PIN1: variants seen among roughly 807,000 people sequenced by gnomAD.
PIN1 encodes the protein peptidyl-prolyl cis-trans isomerase NIMA-interacting 1.
In PIN1, 8 loss-of-function variants were observed where a neutral mutation model predicts 19.9. The observed-to-expected ratio is 0.40, with a 90% CI of 0.24 to 0.72. The LOEUF is 0.72. Ranked by LOEUF, PIN1 falls within the 30% of genes least tolerant of loss-of-function variation. PIN1 has a pLI of 0.37. For synonymous variants in PIN1, 86 were observed against 90.8 expected (o/e 0.95, Z 0.30); for missense variants, 185 against 226.5 (o/e 0.82, Z 1.18).
At position 9,849,241 on chromosome 19, in the gene PIN1, G is replaced by C. The variant is rs936144902; in HGVS notation, c.*42G>C. On this transcript the variant is annotated 3_prime_UTR_variant, in exon 4 of 4. Coordinates refer to ENST00000247970, the MANE Select transcript of PIN1 (RefSeq NM_006221.4). Reference sequence around the variant, plus strand: ...CCTGGCCTCGGGGCAGGGCAGGGCGGCTAGGCCGGCCAGCTCCCCCTTGCC... The same window carrying C: ...CCTGGCCTCGGGGCAGGGCAGGGCGCCTAGGCCGGCCAGCTCCCCCTTGCC... 4 of 1,381,398 alleles carry C rather than the reference G, an allele frequency of 2.9e-6. No homozygotes were observed. In the African/African-American group the frequency reaches 4.3e-5, roughly 15 times the overall value. The allele number at this position is 1,381,398 out of a possible 1,614,324, so 85.6% of individuals were successfully genotyped here.
chr19:9,842,618 G>C (rs1479848837), intron 2 of PIN1, among the ~76,000 whole-genome samples: 1 of 152,224 alleles, frequency 6.6e-6, no homozygotes, highest in African/African-American at 2.4e-5. Flanking sequence ...TGATGACCTT[G>C]GCACACGACC....
intron 3 of PIN1, 105 bp downstream of exon 3, chr19:9,848,245 C>A: frequency 1.4e-6 from 1 of 712,884 alleles, no homozygotes; most frequent in East Asian, 2.7e-5. Flanking sequence ...CACCGGCCTT[C>A]GGGGTCCAGC....
chr19:9,844,836 C>A (rs1481750877), intron 2 of PIN1, among the ~76,000 whole-genome samples: 1 of 152,234 alleles, frequency 6.6e-6, no homozygotes, highest in Admixed American at 6.5e-5. Flanking sequence ...CTCCCTCCTT[C>A]CCCATGGCCT....
chr19:9,846,169 T>A lies in PIN1; in HGVS notation c.272-1861T>A, dbSNP rs144510040. 1.8e-4 allele frequency among the ~76,000 whole-genome samples: 27 copies of A among 152,264 alleles called. No homozygotes were observed. In the East Asian group the frequency reaches 5.0e-3, roughly 28 times the overall value. On this transcript the variant is annotated intron_variant, in intron 2 of 3. Transcript: ENST00000247970. This position sits in a 1 kb window ranked among gnomAD's most constrained non-coding sequence, Gnocchi z 5.9. ...CAGCCCTGGAAGCGGGGCATTCTGA[T>A]CAAACCAGGGCATCACGGGCAGAAG...
At chr19:9,840,494 A>G (rs62105748) in intron 2 of PIN1, among the ~76,000 whole-genome samples, 46,987 of 152,164 alleles carry the variant, frequency 0.31, 7,372 homozygotes, top group South Asian at 0.38. Context: ...TACTCCAAAC[A>G]ACCCATCTCT....
At chr19:9,848,805 C>T (rs951568057) in intron 3 of PIN1, among the ~76,000 whole-genome samples, 4 of 152,136 alleles carry the variant, frequency 2.6e-5, no homozygotes, top group African/African-American at 4.8e-5. Context: ...CCCAGGGAGA[C>T]GAGTTCACTA....
chr19:9,848,750 G>A (rs1599456552), intron 3 of PIN1: 4 of 336,994 alleles, frequency 1.2e-5, no homozygotes, highest in South Asian at 1.0e-4. Flanking sequence ...CACCTCCTCC[G>A]AGGAGGCTGG....
At position 9,846,002 on chromosome 19, in the gene PIN1, A is replaced by G. The variant is rs1432665159; in HGVS notation, c.272-2028A>G. Among the ~76,000 whole-genome samples the G allele has an allele frequency of 1.3e-5, 2 of 151,574 alleles. No homozygotes were observed. Among genetic ancestry groups the G allele is most frequent in the Non-Finnish European group, 2.9e-5 (2 of 67,892 alleles). Reference sequence around the variant, plus strand: ...TAGTGGTCCAGACAGAAGGGGGGACAGGGGACTCCAGTGCTCTGTGCCTAA... The same window carrying G: ...TAGTGGTCCAGACAGAAGGGGGGACGGGGGACTCCAGTGCTCTGTGCCTAA... On this transcript the variant is annotated intron_variant, in intron 2 of 3. Coordinates refer to ENST00000247970, the MANE Select transcript of PIN1 (RefSeq NM_006221.4). The surrounding 1 kb of genome is among the most constrained non-coding windows in gnomAD (Gnocchi z 5.9).
chr19:9,843,608 A>G (rs1374313221), intron 2 of PIN1, among the ~76,000 whole-genome samples: 2 of 152,186 alleles, frequency 1.3e-5, no homozygotes, highest in African/African-American at 2.4e-5. Context: ...GAAGTCCACA[A>G]TCCAGGTTCC....
intron 2 of PIN1, among the ~76,000 whole-genome samples, chr19:9,847,212 C>T (rs1051068645): frequency 3.3e-5 from 5 of 152,128 alleles, no homozygotes; most frequent in Non-Finnish European, 7.4e-5. Context: ...ACTTGGCTTC[C>T]GAAACGTGAG....
chr19:9,844,566 C>T (rs779859513), intron 2 of PIN1, among the ~76,000 whole-genome samples: 1 of 152,170 alleles, frequency 6.6e-6, no homozygotes, highest in Non-Finnish European at 1.5e-5. Context: ...GGTGGAGGCC[C>T]CTGCTCCAGA....
In PIN1 at chr19:9,846,595, G is replaced by A. The variant is rs867469732; in HGVS notation, c.272-1435G>A. 4.6e-5 allele frequency among the ~76,000 whole-genome samples: 7 copies of A among 152,280 alleles called. No individual in the cohort carries two copies. The highest frequency in any genetic ancestry group is 2.1e-4 in the South Asian group (1 of 4,826). Reference sequence around the variant, plus strand: ...ACTGCAGTCCCAAGCAGGTTAGAGCGTGAGGCCGAGGGGCCCTGGGGACAC... The same window carrying A: ...ACTGCAGTCCCAAGCAGGTTAGAGCATGAGGCCGAGGGGCCCTGGGGACAC... On this transcript the variant is annotated intron_variant, in intron 2 of 3. Transcript: ENST00000247970. The surrounding 1 kb of genome is among the most constrained non-coding windows in gnomAD (Gnocchi z 5.9).
chr19:9,842,966 C>T (rs890669935), intron 2 of PIN1, among the ~76,000 whole-genome samples: 2 of 152,264 alleles, frequency 1.3e-5, no homozygotes, highest in Non-Finnish European at 2.9e-5. Flanking sequence ...GCCGGGACCT[C>T]CACATTTTCT....
At chr19:9,841,987 G>A (rs2046171529) in intron 2 of PIN1, among the ~76,000 whole-genome samples, 1 of 152,184 alleles carries the variant, frequency 6.6e-6, no homozygotes, top group African/African-American at 2.4e-5. Flanking sequence ...ATGGGTCTGG[G>A]TGTGGTGGGC....
At position 9,849,376 on chromosome 19, in the gene PIN1, C is replaced by A. The variant is rs1271713150; in HGVS notation, c.*177C>A. The A allele has an allele frequency of 1.3e-5, 9 of 712,916 alleles. No homozygotes were observed. Among genetic ancestry groups the A allele is most frequent in the Non-Finnish European group, 2.3e-5 (9 of 391,420 alleles). 44.2% of individuals were successfully genotyped at this position (712,916 alleles called of 1,614,324 possible). On this transcript the variant is annotated 3_prime_UTR_variant, in exon 4 of 4. Transcript: ENST00000247970. Reference sequence around the variant, plus strand: ...CAGATTGGGGGCCCTGGGGTCCCCACTCCCTGTCCATCCCCAGTTGGGGCT... The same window carrying A: ...CAGATTGGGGGCCCTGGGGTCCCCAATCCCTGTCCATCCCCAGTTGGGGCT...
intron 3 of PIN1, chr19:9,848,440 T>A (rs1345994827): frequency 1.7e-5 from 7 of 403,160 alleles, no homozygotes; most frequent in Non-Finnish European, 3.3e-5. Flanking sequence ...GTACATCCTG[T>A]CCTCTGCCTC....
chr19:9,837,299 G>T (rs1348344370), intron 1 of PIN1: 1 of 153,928 alleles, frequency 6.5e-6, no homozygotes, highest in Non-Finnish European at 1.4e-5. Flanking sequence ...GATTACAGGT[G>T]CCTGCCACCA....
At position 9,837,490 on chromosome 19, in the gene PIN1, C is replaced by T. The variant is rs189575337; in HGVS notation, c.59-946C>T. 202 of 154,978 alleles carry T rather than the reference C, an allele frequency of 1.3e-3. 1 individual carries two copies. Among genetic ancestry groups the T allele is most frequent in the African/African-American group, 4.8e-3 (197 of 41,472 alleles). 9.6% of individuals were successfully genotyped at this position (154,978 alleles called of 1,614,324 possible). A position where few individuals can be genotyped will look rare whatever the true frequency, so the allele number is the denominator to read the frequency against. On this transcript the variant is annotated intron_variant, in intron 1 of 3. Transcript: ENST00000247970. The stretch of plus-strand genomic sequence containing the variant: ...TTTGTTTTTGTTTTGAGACAAGAGT[C>T]TCACTCTATCGCTCAGGCTGGAGTG...
intron 3 of PIN1, chr19:9,848,417 C>A: frequency 2.2e-6 from 1 of 462,492 alleles, no homozygotes; most frequent in South Asian, 2.2e-5. Context: ...TCATCCCAGG[C>A]CCACCAAGGT....
Sources: allele counts gnomAD v4.1 joint callset (sites outside exome capture counted in the v4.1 genomes callset), GRCh38; gene constraint gnomAD v4.1.1; non-coding constraint Gnocchi (gnomAD v3.1); transcripts MANE v1.5; gene names NCBI Gene and HGNC (gene_info 2026-07-23, HGNC 2026-07-21).